The following CR1 variants were observed in gnomAD, a reference collection of about 807,000 sequenced individuals.
CR1 encodes complement receptor type 1.
In CR1, 116 loss-of-function variants were observed where a neutral mutation model predicts 187.3. That is an observed-to-expected ratio of 0.62 (90% confidence interval 0.53 to 0.72). The LOEUF is 0.72. Among genes scored for constraint, CR1 ranks in the 30% least tolerant of loss-of-function variants. The pLI, the probability that CR1 is intolerant of heterozygous loss-of-function variation, is 0.00. For synonymous variants in CR1, 576 were observed against 747.1 expected, an observed-to-expected ratio of 0.77 and a Z score of 3.73; for missense variants, 1,731 against 2,110.7, an observed-to-expected ratio of 0.82 and a Z score of 3.52.
intron 4 of CR1, among the ~76,000 whole-genome samples, chr1:207,519,210 C>A (rs1489114430): frequency 6.6e-6 from 1 of 151,718 alleles, no homozygotes; most frequent in Non-Finnish European, 1.5e-5. Context: ...ATATTTAAAG[C>A]TTGTCTCTTA....
intron 35 of CR1, among the ~76,000 whole-genome samples, chr1:207,601,724 T>C (rs1039485240): frequency 1.3e-5 from 2 of 152,170 alleles, no homozygotes; most frequent in African/African-American, 2.4e-5. Flanking sequence ...TTTGGAAAAA[T>C]GTCTATTCTC....
At chr1:207,507,040 G>T (rs1659461432) in intron 3 of CR1, 1 of 445,714 alleles carries the variant, frequency 2.2e-6, no homozygotes, top group East Asian at 4.0e-5. Context: ...TATATGAAAA[G>T]TGTGGCATTC....
chr1:207,628,839 A>C (rs999767114), intron 45 of CR1, among the ~76,000 whole-genome samples: 25 of 152,266 alleles, frequency 1.6e-4, no homozygotes, highest in African/African-American at 6.0e-4. Context: ...AGAGAACCGT[A>C]TGCAATCTCT....
chr1:207,616,450 G>A (rs916167998), intron 40 of CR1, 125 bp from the exon 41 acceptor site: 22 of 1,181,264 alleles, frequency 1.9e-5, no homozygotes, highest in South Asian at 1.0e-4. Flanking sequence ...TTTAAATTCC[G>A]TCTACCTTAG....
At position 207,612,993 on chromosome 1, in the gene CR1, G is replaced by A. The variant is rs371074966; in HGVS notation, c.6575+952G>A. On this transcript the variant is annotated intron_variant, in intron 39 of 46. Coordinates refer to ENST00000367049, the MANE Select transcript of CR1 (RefSeq NM_000651.6). ...ATCCTGTCGCCCCACATCTCCTGTC[G>A]CCCAGCTCTGGCTTGATCCGCTGCT... Among the ~76,000 whole-genome samples the A allele has an allele frequency of 4.9e-4, 75 of 152,256 alleles. 1 individual carries two copies. In the South Asian group the frequency reaches 0.015, roughly 30 times the overall value.
chr1:207,568,329 T>C (rs532069476), intron 25 of CR1, among the ~76,000 whole-genome samples: 69 of 119,004 alleles, frequency 5.8e-4, no homozygotes, highest in Admixed American at 1.6e-3. Context: ...TATTGAAATG[T>C]TTGGTTTAGA....
In CR1 at chr1:207,584,852, C is replaced by T. The variant is rs762859978; in HGVS notation, c.5506C>T (p.Arg1836Cys). The T allele has an allele frequency of 6.8e-6, 11 of 1,613,918 alleles. No homozygotes were observed. The highest frequency in any genetic ancestry group is 2.2e-5 in the South Asian group (2 of 91,074). Residue 1836 changes from arginine (R) to cysteine (C), a missense_variant, in exon 33 of 47, where the codon CGC becomes TGC. Physicochemically the swap from Arg to Cys is radical, Grantham distance 180 (BLOSUM62 -3). Around this residue, in one of 5 missense-constraint regions of CR1, gnomAD observed 1,312 missense variants for 1,379.6 expected, o/e 0.95. Transcript: ENST00000367049. ...GNGVWSSPAP[R>C]CELSVRAGHC... ...TGGGGTTTGGAGCAGCCCTGCCCCT[C>T]GCTGTGAACTTTCTGTTCGTGCTGG...
At chr1:207,524,433 A>C (rs1367105610) in intron 5 of CR1, among the ~76,000 whole-genome samples, 1 of 152,002 alleles carries the variant, frequency 6.6e-6, no homozygotes. Flanking sequence ...ACTCACGTTG[A>C]ACTGCTGTGG....
At chr1:207,515,176 T>G in intron 4 of CR1, among the ~76,000 whole-genome samples, 1 of 13,646 alleles carries the variant, frequency 7.3e-5, no homozygotes, top group East Asian at 0.05. Context: ...TATAGGTATA[T>G]ACATATATAC....
At chr1:207,575,732 T>C (rs945025992) in intron 28 of CR1, 52 bp downstream of exon 28, 1 of 1,609,278 alleles carries the variant, frequency 6.2e-7, no homozygotes, top group Non-Finnish European at 8.5e-7. Context: ...CCTAGAGTTG[T>C]CCTCCTAGAA....
rs1172619852 is a variant in CR1 at position 207,566,703 on chromosome 1, TA to T, written c.3952+784del. 8.5e-4 allele frequency among the ~76,000 whole-genome samples: 127 copies of T among 150,226 alleles called. 12 individuals carry two copies. The highest frequency in any genetic ancestry group is 2.8e-3 in the African/African-American group (113 of 39,674). ...ATTCATAAATAATAAGTCATTTTTT[TA>T]AAATGAGCCTCATATGTTCAATAAT... On this transcript the variant is annotated intron_variant, in intron 24 of 46. Coordinates refer to ENST00000367049, the MANE Select transcript of CR1 (RefSeq NM_000651.6).
intron 27 of CR1, among the ~76,000 whole-genome samples, chr1:207,573,311 T>C (rs1449582167): frequency 6.6e-6 from 1 of 152,204 alleles, no homozygotes; most frequent in Non-Finnish European, 1.5e-5. Context: ...CCAGCACACT[T>C]GCCAGCATAG....
chr1:207,587,450 G>A lies in CR1; in HGVS notation c.5595G>A (p.Glu1865=), dbSNP rs769860295. 3 of 1,613,924 alleles carry A rather than the reference G, an allele frequency of 1.9e-6. No homozygotes were observed. Among genetic ancestry groups the A allele is most frequent in the East Asian group, 4.5e-5 (2 of 44,886 alleles). Residue 1865 remains glutamate, a synonymous_variant, in exon 34 of 47, where the codon GAG becomes GAA. Transcript: ENST00000367049. ...CTACGATCCCAATTAATGACTTTGA[G>A]TTTCCAGTCGGGACATCTTTGAATT... ...ASPTIPINDF[E]FPVGTSLNYE... is the part of the protein sequence containing the mutation.
At chr1:207,588,109 A>G (rs990206976) in intron 34 of CR1, among the ~76,000 whole-genome samples, 1 of 152,206 alleles carries the variant, frequency 6.6e-6, no homozygotes, top group African/African-American at 2.4e-5. Context: ...ATGAGAGTAC[A>G]ACACTTTAGC....
chr1:207,604,842 G>A (rs1398329311), intron 35 of CR1, among the ~76,000 whole-genome samples: 1 of 152,150 alleles, frequency 6.6e-6, no homozygotes, highest in Non-Finnish European at 1.5e-5. Flanking sequence ...GTAGAAAGGT[G>A]GTTACCAGGC....
chr1:207,526,130 A>G (rs1660162568), intron 5 of CR1, among the ~76,000 whole-genome samples: 1 of 152,038 alleles, frequency 6.6e-6, no homozygotes, highest in Admixed American at 6.5e-5. Context: ...ATTTTGTTCG[A>G]CAGTTTCCCA....
Position 207,580,585 on chromosome 1 carries a change from G to A in CR1, c.5188G>A (p.Ala1730Thr). 1.2e-6 allele frequency: 2 copies of A among 1,613,498 alleles called. No homozygotes were observed. The highest frequency in any genetic ancestry group is 1.7e-6 in the Non-Finnish European group (2 of 1,179,788). The change falls in exon 31 of 47, where the codon GCA becomes ACA. Residue 1730 changes from alanine to threonine, a missense_variant. Ala to Thr is a moderately conservative substitution (Grantham distance 58). Coordinates refer to ENST00000367049, the MANE Select transcript of CR1 (RefSeq NM_000651.6). ...VLFPLNLQLGAKVSFVCDEGF... is the reference protein window; with the variant it reads ...VLFPLNLQLGTKVSFVCDEGF... ...ATTTCCACTTAATCTCCAGCTTGGGGCAAAGGTGTCCTTTGTCTGTGATGA... is the reference window on the plus strand; with the variant it reads ...ATTTCCACTTAATCTCCAGCTTGGGACAAAGGTGTCCTTTGTCTGTGATGA...
chr1:207,640,108 A>G lies in CR1; in HGVS notation c.*699A>G, dbSNP rs1558004705. 1.3e-5 allele frequency: 2 copies of G among 152,322 alleles called. No homozygotes were observed. The highest frequency in any genetic ancestry group is 3.9e-4 in the East Asian group (2 of 5,194). The allele number at this position is 152,322 out of a possible 1,614,324, so 9.4% of individuals were successfully genotyped here. On this transcript the variant is annotated 3_prime_UTR_variant, in exon 47 of 47. Transcript: ENST00000367049. ...GACTACTGAAGAGAAATATTTGGAA[A>G]ATAAGATTTCGATATCTTCTTTTTT...
chr1:207,587,566 G>T lies in CR1; in HGVS notation c.5710+1G>T, dbSNP rs773807648. ...TCAAGTGTTGAAGACAACTGTAGAC[G>T]TGAGTAACCCCTCCCTGGGAACTAC... On this transcript the variant is annotated splice_donor_variant, in intron 34 of 46. Transcript: ENST00000367049. LOFTEE classifies it high-confidence loss of function. 1 of 1,612,540 alleles carries T rather than the reference G, an allele frequency of 6.2e-7. No individual in the cohort carries two copies. Among genetic ancestry groups the T allele is most frequent in the South Asian group, 1.1e-5 (1 of 90,926 alleles).
Sources: allele counts gnomAD v4.1 joint callset (sites outside exome capture counted in the v4.1 genomes callset), GRCh38; gene constraint gnomAD v4.1.1; regional missense constraint gnomAD v4.1.1; transcripts MANE v1.5; gene names NCBI Gene and HGNC (gene_info 2026-07-23, HGNC 2026-07-21).